PDZRN4: variants seen among roughly 807,000 people sequenced by gnomAD.
The protein encoded by PDZRN4 is PDZ domain-containing RING finger protein 4.
Under a neutral mutation model 99.0 loss-of-function variants are expected in PDZRN4, and 70 were observed. That is an observed-to-expected ratio of 0.71 (90% confidence interval 0.58 to 0.86). The LOEUF (loss-of-function observed/expected upper bound fraction) is 0.86. Ranked by LOEUF, PDZRN4 falls within the 40% of genes least tolerant of loss-of-function variation. PDZRN4 has a pLI of 0.00. For missense variants in PDZRN4, 1,474 were observed against 1,331.2 expected, an observed-to-expected ratio of 1.11 and a Z score of -1.67; for synonymous variants, 551 against 501.6, an observed-to-expected ratio of 1.10 and a Z score of -1.32.
chr12:41,317,982 C>T (rs2120967060), intron 3 of PDZRN4, among the ~76,000 whole-genome samples: 1 of 151,998 alleles, frequency 6.6e-6, no homozygotes, highest in Middle Eastern at 3.4e-3. Context: ...TTTGATGTTC[C>T]CCATGGAGGC....
At chr12:41,428,318 T>A (rs1315779041) in intron 3 of PDZRN4, among the ~76,000 whole-genome samples, 2 of 152,204 alleles carry the variant, frequency 1.3e-5, no homozygotes, top group East Asian at 3.9e-4. Flanking sequence ...GACCCTGTTA[T>A]TGTCTGGAAA....
At chr12:41,288,128 G>T (rs1330855380) in intron 3 of PDZRN4, among the ~76,000 whole-genome samples, 1 of 152,066 alleles carries the variant, frequency 6.6e-6, no homozygotes, top group African/African-American at 2.4e-5. Flanking sequence ...CATTATGATG[G>T]CACAAAAAAG....
At chr12:41,208,308 A>G (rs1410868484) in intron 3 of PDZRN4, among the ~76,000 whole-genome samples, 1 of 151,888 alleles carries the variant, frequency 6.6e-6, no homozygotes, top group African/African-American at 2.4e-5. Flanking sequence ...ATTTGAAGAG[A>G]TTTTGCTGCT....
intron 2 of PDZRN4, 93 bp downstream of exon 2, chr12:41,191,637 T>G (rs1391922666): frequency 3.3e-6 from 2 of 598,718 alleles, no homozygotes; most frequent in Non-Finnish European, 5.8e-6. Flanking sequence ...GGACTTAGCT[T>G]TTGTTTGTGG....
intron 3 of PDZRN4, among the ~76,000 whole-genome samples, chr12:41,210,299 C>T (rs949826438): frequency 6.6e-6 from 1 of 152,018 alleles, no homozygotes; most frequent in Non-Finnish European, 1.5e-5. Flanking sequence ...CTGTTGGTTG[C>T]TTGTTCACTC....
intron 3 of PDZRN4, among the ~76,000 whole-genome samples, chr12:41,240,403 G>A (rs1454459609): frequency 6.6e-6 from 1 of 152,118 alleles, no homozygotes; most frequent in Non-Finnish European, 1.5e-5. Context: ...ATACTAAAAA[G>A]TAAAAAGCTA....
chr12:41,445,621 G>C (rs1195528278), intron 3 of PDZRN4, among the ~76,000 whole-genome samples: 1 of 151,968 alleles, frequency 6.6e-6, no homozygotes, highest in Non-Finnish European at 1.5e-5. Flanking sequence ...TCACTCAAAA[G>C]AGGTCCCCAG....
chr12:41,439,482 T>C (rs1397313026), intron 3 of PDZRN4, among the ~76,000 whole-genome samples: 1 of 152,154 alleles, frequency 6.6e-6, no homozygotes, highest in African/African-American at 2.4e-5. Flanking sequence ...AAGTATAATA[T>C]GGAGAGCGTG....
intron 3 of PDZRN4, among the ~76,000 whole-genome samples, chr12:41,461,768 G>T (rs144098167): frequency 6.6e-6 from 1 of 152,168 alleles, no homozygotes; most frequent in African/African-American, 2.4e-5. Context: ...TAGAATAAAT[G>T]GATTCACCTC....
At chr12:41,254,028 T>TGC (rs1376301137) in intron 3 of PDZRN4, among the ~76,000 whole-genome samples, 1 of 37,966 alleles carries the variant, frequency 2.6e-5, no homozygotes, top group African/African-American at 7.4e-5. Context: ...TATATATATG[T>TGC]GTGTGCGTGT....
At chr12:41,381,159 C>T (rs550604287) in intron 3 of PDZRN4, among the ~76,000 whole-genome samples, 2 of 152,240 alleles carry the variant, frequency 1.3e-5, no homozygotes, top group South Asian at 2.1e-4. Context: ...TTGTCTTTCA[C>T]TTTTGGCAAT....
chr12:41,439,804 A>G (rs1224991460), intron 3 of PDZRN4, among the ~76,000 whole-genome samples: 1 of 152,216 alleles, frequency 6.6e-6, no homozygotes, highest in African/African-American at 2.4e-5. Context: ...ATTAGCTTCC[A>G]TTTAACTGGC....
At chr12:41,493,961 G>A (rs756302710) in intron 3 of PDZRN4, among the ~76,000 whole-genome samples, 16 of 151,788 alleles carry the variant, frequency 1.1e-4, no homozygotes, top group Admixed American at 2.0e-4. Flanking sequence ...GCTTATTCAT[G>A]CATATGCATA....
At chr12:41,324,306 G>A (rs1388363845) in intron 3 of PDZRN4, among the ~76,000 whole-genome samples, 1 of 151,978 alleles carries the variant, frequency 6.6e-6, no homozygotes, top group African/African-American at 2.4e-5. Flanking sequence ...TAAAACAAGT[G>A]TTTGAAGATT....
At chr12:41,449,774 T>A (rs1952760047) in intron 3 of PDZRN4, among the ~76,000 whole-genome samples, 1 of 152,242 alleles carries the variant, frequency 6.6e-6, no homozygotes, top group South Asian at 2.1e-4. Context: ...TTGTGATGCA[T>A]CTCCTTTTGC....
chr12:41,426,305 G>A (rs948371959), intron 3 of PDZRN4, among the ~76,000 whole-genome samples: 6 of 152,138 alleles, frequency 3.9e-5, no homozygotes, highest in African/African-American at 1.4e-4. Flanking sequence ...GATCCTAGAA[G>A]CTAAATCCCA....
intron 3 of PDZRN4, chr12:41,460,157 T>C (rs1447508648): frequency 3.8e-6 from 4 of 1,044,864 alleles, no homozygotes; most frequent in East Asian, 6.2e-5. Flanking sequence ...CCTTTTTATG[T>C]ATATATTGGT....
intron 3 of PDZRN4, among the ~76,000 whole-genome samples, chr12:41,463,517 A>G (rs886694712): frequency 6.6e-6 from 1 of 152,054 alleles, no homozygotes; most frequent in African/African-American, 2.4e-5. Flanking sequence ...AGAATGTCTT[A>G]TTCATTGGGG....
chr12:41,508,849 T>C (rs533860210), intron 4 of PDZRN4, among the ~76,000 whole-genome samples: 3 of 152,256 alleles, frequency 2.0e-5, no homozygotes, highest in East Asian at 3.9e-4. Context: ...AGGGAACTAA[T>C]TGATACTGCT....
Sources: gnomAD v4.1 joint callset for allele counts (sites outside exome capture counted in the v4.1 genomes callset) on GRCh38, gnomAD v4.1.1 for gene constraint, MANE v1.5 for transcripts, NCBI Gene and HGNC (gene_info 2026-07-23, HGNC 2026-07-21) for gene names.